Variants in CSF2RB observed in about 807,000 individuals in gnomAD.
CSF2RB encodes colony stimulating factor 2 receptor subunit beta, also known as cytokine receptor common subunit beta.
In CSF2RB, 22 loss-of-function variants were observed where a neutral mutation model predicts 67.2. That is an observed-to-expected ratio of 0.33 (90% CI 0.23 to 0.47). The LOEUF is 0.47. CSF2RB is among the 20% of genes least tolerant of loss of function. CSF2RB has a pLI of 1.00. For synonymous variants in CSF2RB, 507 were observed against 482.9 expected, an observed-to-expected ratio of 1.05 and a Z score of -0.65; for missense variants, 1,113 against 1,174.5, an observed-to-expected ratio of 0.95 and a Z score of 0.76.
chr22:36,939,342 AG>A lies in CSF2RB; in HGVS notation c.*844del, dbSNP rs1451714187. On this transcript the variant is annotated 3_prime_UTR_variant, in exon 14 of 14. Coordinates refer to ENST00000403662, the MANE Select transcript of CSF2RB (RefSeq NM_000395.3). ...AGCCCACGTCTACTGCGGAAAAGTC[AG>A]GGGAAACTGCCAAACAAAGGAAAAT... 19 of 692,790 alleles carry A rather than the reference AG, an allele frequency of 2.7e-5. No individual in the cohort carries two copies. The highest frequency in any genetic ancestry group is 4.5e-5 in the Non-Finnish European group (17 of 379,806). 42.9% of individuals were successfully genotyped at this position (692,790 alleles called of 1,614,324 possible).
intron 1 of CSF2RB, among the ~76,000 whole-genome samples, chr22:36,917,057 G>A (rs1601574514): frequency 6.6e-6 from 1 of 152,218 alleles, no homozygotes; most frequent in African/African-American, 2.4e-5. Context: ...TTTGGTTTCT[G>A]GCAGACTTTC....
rs981924443 is a variant in CSF2RB at position 36,939,640 on chromosome 22, T to C, written c.*1138T>C. ...ATCTTAGGCATCGATTGGTATTTTT[T>C]AACTGGGCCAAGCCCATTAAGGTCT... On this transcript the variant is annotated 3_prime_UTR_variant, in exon 14 of 14. Coordinates refer to ENST00000403662, the MANE Select transcript of CSF2RB (RefSeq NM_000395.3). 2 of 194,238 alleles carry C rather than the reference T, an allele frequency of 1.0e-5. No homozygotes were observed. The highest frequency in any genetic ancestry group is 2.2e-5 in the Non-Finnish European group (2 of 91,604). The allele number at this position is 194,238 out of a possible 1,614,324, so 12.0% of individuals were successfully genotyped here.
rs1315799047 is a variant in CSF2RB, at chr22:36,938,253, C to T, written c.2445C>T (p.Val815=). ...CCCCACAGCCCGAGGGCCTCCTTGT[C>T]CTGCAGCAAGTGGGCGACTATTGCT... is the stretch of plus-strand genomic sequence containing the variant. The part of the protein sequence containing the change: ...PTSPQPEGLL[V]LQQVGDYCFL... The change falls in exon 14 of 14, where the codon GTC becomes GTT. Residue 815 remains valine (V), a synonymous_variant. Coordinates refer to ENST00000403662, the MANE Select transcript of CSF2RB (RefSeq NM_000395.3). The T allele has an allele frequency of 6.2e-7, 1 of 1,614,080 alleles. No individual in the cohort carries two copies. Among genetic ancestry groups the T allele is most frequent in the Non-Finnish European group, 8.5e-7 (1 of 1,180,022 alleles).
chr22:36,933,497 G>C lies in CSF2RB; in HGVS notation c.1153-335G>C, dbSNP rs556084274. Reference sequence around the variant, plus strand: ...CCAGAGTCCAGTCGGCCTGCACTGCGTTCCTAAAAAGGCCACAATATGGGT... The same window carrying C: ...CCAGAGTCCAGTCGGCCTGCACTGCCTTCCTAAAAAGGCCACAATATGGGT... On this transcript the variant is annotated intron_variant, in intron 9 of 13. Coordinates refer to ENST00000403662, the MANE Select transcript of CSF2RB (RefSeq NM_000395.3). 7.2e-5 allele frequency among the ~76,000 whole-genome samples: 11 copies of C among 152,322 alleles called. No homozygotes were observed. The East Asian group carries it at 1.7e-3, about 24-fold the overall frequency.
rs562577410 is a variant in CSF2RB at position 36,922,618 on chromosome 22, C to G, written c.76+335C>G. The G allele has an allele frequency of 3.0e-5, 14 of 473,442 alleles. No individual in the cohort carries two copies. In the Admixed American group the frequency reaches 4.8e-4, roughly 16 times the overall value. 29.3% of individuals were successfully genotyped at this position (473,442 alleles called of 1,614,324 possible). The stretch of plus-strand genomic sequence containing the variant: ...ACACTCTCTGTGCCTCAGTGGTTCC[C>G]ACCTCCGGGACTTTGCTCCTGCAGG... On this transcript the variant is annotated intron_variant, in intron 2 of 13. Coordinates refer to ENST00000403662, the MANE Select transcript of CSF2RB (RefSeq NM_000395.3).
intron 2 of CSF2RB, chr22:36,922,674 C>T: frequency 2.8e-6 from 1 of 363,300 alleles, no homozygotes; most frequent in Non-Finnish European, 5.2e-6. Flanking sequence ...CCTGCTTCAG[C>T]CGCTAGCACC....
In CSF2RB at chr22:36,937,552, A is replaced by G. The variant is rs1163937242; in HGVS notation, c.1744A>G (p.Lys582Glu). The G allele has an allele frequency of 6.2e-7, 1 of 1,613,252 alleles. No individual in the cohort carries two copies. Among genetic ancestry groups the G allele is most frequent in the Non-Finnish European group, 8.5e-7 (1 of 1,179,600 alleles). Residue 582 changes from lysine to glutamate, a missense_variant, in exon 14 of 14, where the codon AAA becomes GAA. Around this residue, in one of 2 missense-constraint regions of CSF2RB, gnomAD observed 554 missense variants for 517.9 expected, o/e 1.07. Transcript: ENST00000403662. The surrounding 1 kb of genome is among the most constrained non-coding windows in gnomAD (Gnocchi z 4.6). ...GPPAASHTPE[K>E]QASSFDFNGP... is the part of the protein sequence containing the mutation. Reference sequence around the variant, plus strand: ...GCCTGCCGCCTCCCACACACCTGAGAAACAGGCTTCCAGCTTTGACTTCAA... The same window carrying G: ...GCCTGCCGCCTCCCACACACCTGAGGAACAGGCTTCCAGCTTTGACTTCAA...
intron 10 of CSF2RB, among the ~76,000 whole-genome samples, chr22:36,934,935 G>T (rs1941236311): frequency 6.6e-6 from 1 of 152,128 alleles, no homozygotes; most frequent in South Asian, 2.1e-4. Flanking sequence ...GGGGCCTCTG[G>T]AGGGGCCTTT....
At chr22:36,923,459 G>A (rs1484537005) in intron 3 of CSF2RB, 92 bp downstream of exon 3, 1 of 1,540,594 alleles carries the variant, frequency 6.5e-7, no homozygotes, top group Non-Finnish European at 8.8e-7. Flanking sequence ...GACCTGTCAG[G>A]TCAGCCTCGG....
chr22:36,937,486 G>A lies in CSF2RB; in HGVS notation c.1678G>A (p.Asp560Asn), dbSNP rs756621742. The A allele has an allele frequency of 1.1e-5, 18 of 1,613,926 alleles. No homozygotes were observed. In the African/African-American group the frequency reaches 2.4e-4, roughly 22 times the overall value. ...SGPDTTPAAS[D>N]LPTEQPPSPQ... The stretch of plus-strand genomic sequence containing the variant: ...GCCTGACACGACTCCAGCTGCCTCA[G>A]ATCTACCCACAGAGCAGCCCCCCAG... The change falls in exon 14 of 14, where the codon GAT becomes AAT. Residue 560 changes from aspartate to asparagine, a missense_variant. Physicochemically the swap from Asp to Asn is conservative, Grantham distance 23 (BLOSUM62 1). Around this residue, in one of 2 missense-constraint regions of CSF2RB, gnomAD observed 554 missense variants for 517.9 expected, o/e 1.07. Coordinates refer to ENST00000403662, the MANE Select transcript of CSF2RB (RefSeq NM_000395.3). The surrounding 1 kb of genome is among the most constrained non-coding windows in gnomAD (Gnocchi z 4.6).
intron 8 of CSF2RB, among the ~76,000 whole-genome samples, chr22:36,931,918 C>G (rs1941153032): frequency 1.3e-5 from 2 of 152,156 alleles, no homozygotes; most frequent in African/African-American, 4.8e-5. Context: ...AGTCAACTCC[C>G]TACACCTCTG....
intron 11 of CSF2RB, 35 bp downstream of exon 11, chr22:36,935,476 G>A (rs765742450): frequency 5.0e-6 from 8 of 1,608,978 alleles, no homozygotes; most frequent in Non-Finnish European, 6.0e-6. Context: ...GGTGGCAGCC[G>A]AGACCCCAGA....
chr22:36,926,302 G>A, intron 4 of CSF2RB, 125 bp downstream of exon 4: 2 of 945,900 alleles, frequency 2.1e-6, no homozygotes, highest in South Asian at 1.5e-5. Flanking sequence ...GTTTCTTGAG[G>A]GATGAGGGTA....
rs781027928 is a variant in CSF2RB at position 36,937,654 on chromosome 22, G to A, written c.1846G>A (p.Gly616Arg). Residue 616 changes from glycine (G) to arginine (R), a missense_variant, in exon 14 of 14, where the codon GGG becomes AGG. By Grantham distance (125) the Gly-to-Arg change is moderately radical. Transcript: ENST00000403662. This position sits in a 1 kb window ranked among gnomAD's most constrained non-coding sequence, Gnocchi z 4.6. ...CCAGCCGGAGCCCCCACAGGAGGGT[G>A]GGAGCCAGAAGTCCCCACCTCCAGG... ...LGQPEPPQEG[G>R]SQKSPPPGSL... 62 of 1,555,610 alleles carry A rather than the reference G, an allele frequency of 4.0e-5. No homozygotes were observed. The Middle Eastern group carries it at 5.0e-4, about 13-fold the overall frequency.
At chr22:36,924,689 A>C (rs1017978052) in intron 3 of CSF2RB, among the ~76,000 whole-genome samples, 3 of 152,164 alleles carry the variant, frequency 2.0e-5, no homozygotes, top group Non-Finnish European at 4.4e-5. Context: ...CCCAGGGAGC[A>C]GGATCTCATG....
chr22:36,938,935 T>C lies in CSF2RB; in HGVS notation c.*433T>C. 1 of 597,346 alleles carries C rather than the reference T, an allele frequency of 1.7e-6. No homozygotes were observed. The highest frequency in any genetic ancestry group is 3.0e-6 in the Non-Finnish European group (1 of 334,350). 37.0% of individuals were successfully genotyped at this position (597,346 alleles called of 1,614,324 possible). Reference sequence around the variant, plus strand: ...CGGCTGGTTGTGTTGAGGACTTGTGTGGGCTGCCTGTCCCCGGCAGTCGCT... The same window carrying C: ...CGGCTGGTTGTGTTGAGGACTTGTGCGGGCTGCCTGTCCCCGGCAGTCGCT... On this transcript the variant is annotated 3_prime_UTR_variant, in exon 14 of 14. Transcript: ENST00000403662.
At position 36,940,082 on chromosome 22, in the gene CSF2RB, A is replaced by C. The variant is rs921297988; in HGVS notation, c.*1580A>C. On this transcript the variant is annotated 3_prime_UTR_variant, in exon 14 of 14. Coordinates refer to ENST00000403662, the MANE Select transcript of CSF2RB (RefSeq NM_000395.3). ...TAGGAAATCCTTGTATATATACTTT[A>C]TTGGTCCCTAGGCTTCCTATTTTGT... The C allele has an allele frequency of 6.6e-6, 1 of 152,192 alleles. No individual in the cohort carries two copies. Among genetic ancestry groups the C allele is most frequent in the Non-Finnish European group, 1.5e-5 (1 of 68,020 alleles). The allele number at this position is 152,192 out of a possible 1,614,324, so 9.4% of individuals were successfully genotyped here.
At chr22:36,931,699 C>G (rs1424420391) in intron 8 of CSF2RB, among the ~76,000 whole-genome samples, 1 of 152,214 alleles carries the variant, frequency 6.6e-6, no homozygotes, top group Non-Finnish European at 1.5e-5. Flanking sequence ...TTCTCACTCC[C>G]TGCCCAGTTT....
chr22:36,913,927 G>T (rs1940651919), intron 1 of CSF2RB, among the ~76,000 whole-genome samples: 8 of 152,114 alleles, frequency 5.3e-5, no homozygotes, highest in Admixed American at 5.2e-4. Context: ...GCTCTGGGGA[G>T]GACTCAGCCT....
Sources: allele counts gnomAD v4.1 joint callset (sites outside exome capture counted in the v4.1 genomes callset), GRCh38; gene constraint gnomAD v4.1.1; regional missense constraint gnomAD v4.1.1; non-coding constraint Gnocchi (gnomAD v3.1); transcripts MANE v1.5; gene names NCBI Gene and HGNC (gene_info 2026-07-23, HGNC 2026-07-21).